The following CCDC134 variants were observed in gnomAD, a reference collection of about 807,000 sequenced individuals.
The protein encoded by CCDC134 is coiled-coil domain containing 134.
CCDC134 carries 27 observed loss-of-function variants against 25.6 expected under a neutral mutation model. The observed-to-expected ratio is 1.05, with a 90% CI of 0.78 to 1.45. CCDC134 has a LOEUF of 1.45. CCDC134 is among the 40% of genes most tolerant of loss of function. CCDC134 has a pLI of 0.00. For synonymous variants in CCDC134, 110 were observed against 115.0 expected (o/e 0.96, Z 0.28); for missense variants, 261 against 286.7 (o/e 0.91, Z 0.65).
chr22:41,818,635 GCTTT>G (rs1367234830), intron 6 of CCDC134, among the ~76,000 whole-genome samples: 1 of 152,220 alleles, frequency 6.6e-6, no homozygotes, highest in Non-Finnish European at 1.5e-5. Context: ...TGAGCCAGTG[GCTTT>G]GCTTTATGTG....
At position 41,830,827 on chromosome 22, in the gene CCDC134, T is replaced by C. The variant is rs1479177567; in HGVS notation, c.*5004T>C. On this transcript the variant is annotated 3_prime_UTR_variant, in exon 7 of 7. Transcript: ENST00000255784. Reference sequence around the variant, plus strand: ...ATGTCTGACAGCCAGCTGTTGGGTCTTCCATCGTTTTTAACCTTCAGGTGA... The same window carrying C: ...ATGTCTGACAGCCAGCTGTTGGGTCCTCCATCGTTTTTAACCTTCAGGTGA... 1.3e-5 allele frequency among the ~76,000 whole-genome samples: 2 copies of C among 152,130 alleles called. No homozygotes were observed. Among genetic ancestry groups the C allele is most frequent in the African/African-American group, 4.8e-5 (2 of 41,422 alleles).
At chr22:41,813,184 G>A in intron 4 of CCDC134, 80 bp from the exon 5 acceptor site, 1 of 1,439,154 alleles carries the variant, frequency 6.9e-7, no homozygotes, top group South Asian at 1.2e-5. Context: ...GGATGTCTCT[G>A]TTCTCTAGAG....
chr22:41,810,835 C>CA (rs2076592460), intron 4 of CCDC134, among the ~76,000 whole-genome samples: 1 of 152,102 alleles, frequency 6.6e-6, no homozygotes, highest in African/African-American at 2.4e-5. Flanking sequence ...ATGCGGACAG[C>CA]TCTTATATAT....
chr22:41,819,963 T>TTATATATA (rs34213936), intron 6 of CCDC134, among the ~76,000 whole-genome samples: 1,068 of 82,450 alleles, frequency 0.013, 8 homozygotes, highest in East Asian at 0.027. Context: ...ACTTACCACT[T>TTATATATA]TATATATATA....
chr22:41,816,359 A>C (rs554935240), intron 6 of CCDC134, among the ~76,000 whole-genome samples: 1 of 152,356 alleles, frequency 6.6e-6, no homozygotes, highest in African/African-American at 2.4e-5. Flanking sequence ...TTGAAACAAA[A>C]TTGTGCTGGC....
At position 41,825,159 on chromosome 22, in the gene CCDC134, G is replaced by A. The variant is rs184217817; in HGVS notation, c.565-539G>A. Among the ~76,000 whole-genome samples, 8 of 152,222 alleles carry A rather than the reference G, an allele frequency of 5.3e-5. No individual in the cohort carries two copies. Among genetic ancestry groups the A allele is most frequent in the Non-Finnish European group, 1.0e-4 (7 of 67,998 alleles). ...AGTTTGAGGGGTAACTAACCACACA[G>A]GCCAACAGAAGCTATGAGTTAGACG... On this transcript the variant is annotated intron_variant, in intron 6 of 6. Transcript: ENST00000255784. This position sits in a 1 kb window ranked among gnomAD's most constrained non-coding sequence, Gnocchi z 4.4.
At chr22:41,814,111 G>A (rs577937427) in intron 6 of CCDC134, among the ~76,000 whole-genome samples, 2 of 152,324 alleles carry the variant, frequency 1.3e-5, no homozygotes, top group South Asian at 4.1e-4. Context: ...CACTTCAGGT[G>A]GATATCAGGG....
chr22:41,811,711 G>T (rs2076597306), intron 4 of CCDC134, among the ~76,000 whole-genome samples: 1 of 152,180 alleles, frequency 6.6e-6, no homozygotes, highest in Non-Finnish European at 1.5e-5. Context: ...GATTACAGGG[G>T]TGAGTTACCA....
chr22:41,800,768 T>A lies in CCDC134; in HGVS notation c.-17+2T>A, dbSNP rs1369815185. The A allele has an allele frequency of 6.6e-6, 1 of 152,354 alleles. No homozygotes were observed. Among genetic ancestry groups the A allele is most frequent in the Admixed American group, 6.5e-5 (1 of 15,286 alleles). The allele number at this position is 152,354 out of a possible 1,614,324, so 9.4% of individuals were successfully genotyped here. A position where few individuals can be genotyped will look rare whatever the true frequency, so the allele number is the denominator to read the frequency against. ...GCCCTTCCTGCACCGACTGGCCAGG[T>A]AGGTGGCTGTAGGGGCCGCGGGCTG... is the stretch of plus-strand genomic sequence containing the variant. On this transcript the variant is annotated splice_donor_variant, in intron 1 of 6. Transcript: ENST00000255784. LOFTEE classifies it low-confidence loss of function (5UTR_SPLICE).
At position 41,828,627 on chromosome 22, in the gene CCDC134, C is replaced by A. The variant is rs868012524; in HGVS notation, c.*2804C>A. On this transcript the variant is annotated 3_prime_UTR_variant, in exon 7 of 7. Coordinates refer to ENST00000255784, the MANE Select transcript of CCDC134 (RefSeq NM_024821.5). ...CTATTGATTGTTATAGTCACTTGCT[C>A]CAGGAAGTCCACTTGCTGAGTCTTA... is the stretch of plus-strand genomic sequence containing the variant. 1.3e-4 allele frequency among the ~76,000 whole-genome samples: 20 copies of A among 152,336 alleles called. No homozygotes were observed. The highest frequency in any genetic ancestry group is 4.8e-4 in the African/African-American group (20 of 41,580).
chr22:41,809,426 T>A (rs2076583609), intron 2 of CCDC134, among the ~76,000 whole-genome samples: 1 of 152,316 alleles, frequency 6.6e-6, no homozygotes, highest in East Asian at 1.9e-4. Flanking sequence ...ATGATCATGT[T>A]ACTCTGTGAC....
Position 41,829,314 on chromosome 22 carries a change from C to G in CCDC134, c.*3491C>G, listed in dbSNP as rs2076694201. Among the ~76,000 whole-genome samples, 1 of 152,186 alleles carries G rather than the reference C, an allele frequency of 6.6e-6. No homozygotes were observed. The highest frequency in any genetic ancestry group is 1.5e-5 in the Non-Finnish European group (1 of 68,030). Reference sequence around the variant, plus strand: ...CTCTGCTGTCAAGTCTGAGCTGACTCTCTCTTCCGGATTCTTCTTTCCTCA... The same window carrying G: ...CTCTGCTGTCAAGTCTGAGCTGACTGTCTCTTCCGGATTCTTCTTTCCTCA... On this transcript the variant is annotated 3_prime_UTR_variant, in exon 7 of 7. Transcript: ENST00000255784.
At chr22:41,809,072 A>T in intron 2 of CCDC134, 79 bp downstream of exon 2, 1 of 1,209,536 alleles carries the variant, frequency 8.3e-7, no homozygotes, top group Non-Finnish European at 1.2e-6. Context: ...GATTCCAGGG[A>T]TAAGCAGGCC....
intron 6 of CCDC134, among the ~76,000 whole-genome samples, chr22:41,819,944 C>T (rs2076640567): frequency 7.5e-6 from 1 of 132,994 alleles, no homozygotes; most frequent in African/African-American, 3.1e-5. Context: ...ACCTGGAGAG[C>T]AGGCTGTGAC....
intron 6 of CCDC134, among the ~76,000 whole-genome samples, chr22:41,816,793 C>T (rs1189544174): frequency 6.6e-6 from 1 of 152,156 alleles, no homozygotes; most frequent in Non-Finnish European, 1.5e-5. Context: ...TGGCGCATGC[C>T]TGGAGTCCTG....
rs1380789929 is a variant in CCDC134, at chr22:41,827,228, G to A, written c.*1405G>A. 1.3e-5 allele frequency among the ~76,000 whole-genome samples: 2 copies of A among 152,160 alleles called. No individual in the cohort carries two copies. The highest frequency in any genetic ancestry group is 2.4e-5 in the African/African-American group (1 of 41,432). ...AGCAGCTGGAAGAGAGCTGGGTGTG[G>A]GGGCTGGGAGGAGTGCTGGAGAAAT... is the stretch of plus-strand genomic sequence containing the variant. On this transcript the variant is annotated 3_prime_UTR_variant, in exon 7 of 7. Coordinates refer to ENST00000255784, the MANE Select transcript of CCDC134 (RefSeq NM_024821.5).
intron 4 of CCDC134, among the ~76,000 whole-genome samples, chr22:41,810,622 A>G (rs779461516): frequency 1.9e-4 from 29 of 150,108 alleles, no homozygotes; most frequent in Non-Finnish European, 5.9e-5. Flanking sequence ...CAGCCTCCCA[A>G]GTAGCTGGGA....
chr22:41,804,928 G>C (rs767271730), intron 1 of CCDC134, among the ~76,000 whole-genome samples: 3 of 152,216 alleles, frequency 2.0e-5, no homozygotes, highest in Non-Finnish European at 2.9e-5. Flanking sequence ...AAATTAGTCA[G>C]ACATGGTAGT....
chr22:41,820,000 A>ATATATATATT (rs2076642804), intron 6 of CCDC134, among the ~76,000 whole-genome samples: 1 of 67,668 alleles, frequency 1.5e-5, no homozygotes, highest in East Asian at 6.9e-4. Context: ...TATATATATA[A>ATATATATATT]TTTTTTTTTT....
Sources: gnomAD v4.1 joint callset for allele counts (sites outside exome capture counted in the v4.1 genomes callset) on GRCh38, gnomAD v4.1.1 for gene constraint, Gnocchi (gnomAD v3.1) non-coding constraint, MANE v1.5 for transcripts, NCBI Gene and HGNC (gene_info 2026-07-23, HGNC 2026-07-21) for gene names.